Variants in TPD52 observed in about 807,000 individuals in gnomAD.
TPD52 encodes tumor protein D52.
Under a neutral mutation model 31.3 loss-of-function variants are expected in TPD52, and 17 were observed. The observed-to-expected ratio is 0.54, with a 90% CI of 0.37 to 0.82. The LOEUF is 0.82. Ranked by LOEUF, TPD52 falls within the 40% of genes least tolerant of loss-of-function variation. The probability of loss-of-function intolerance (pLI) is 0.00; values close to 1 mark genes in which losing one functional copy is unlikely to be tolerated. For missense variants in TPD52, 212 were observed against 240.1 expected (o/e 0.88, Z 0.77); for synonymous variants, 83 against 89.6 (o/e 0.93, Z 0.42).
intron 1 of TPD52, among the ~76,000 whole-genome samples, chr8:80,082,667 C>T (rs773781067): frequency 6.6e-6 from 1 of 152,208 alleles, no homozygotes; most frequent in Non-Finnish European, 1.5e-5. Context: ...TTAGAAGCCC[C>T]CTAGTCTCTG....
At chr8:80,117,710 C>T (rs1387783649) in intron 1 of TPD52, among the ~76,000 whole-genome samples, 9 of 149,928 alleles carry the variant, frequency 6.0e-5, no homozygotes, top group African/African-American at 2.2e-4. Context: ...ACTTAGAGGA[C>T]TCATGCTTTC....
intron 1 of TPD52, among the ~76,000 whole-genome samples, chr8:80,166,192 A>C (rs1811698281): frequency 6.6e-6 from 1 of 152,160 alleles, no homozygotes; most frequent in South Asian, 2.1e-4. Context: ...ACACGCCTGT[A>C]GTCACAGCTA....
chr8:80,033,987 C>T (rs964462991), downstream of TPD52, among the ~76,000 whole-genome samples: 1 of 152,110 alleles, frequency 6.6e-6, no homozygotes, highest in Non-Finnish European at 1.5e-5. Context: ...GGGACCCACC[C>T]CTTCCCTCCT....
intron 1 of TPD52, among the ~76,000 whole-genome samples, chr8:80,085,639 C>T (rs1815686841): frequency 6.6e-6 from 1 of 151,796 alleles, no homozygotes; most frequent in African/African-American, 2.4e-5. Context: ...GATTATAAAC[C>T]ACTGAAAAAA....
In TPD52 at chr8:80,154,404, G is replaced by A. The variant is rs184300555; in HGVS notation, c.19+17021C>T. ...AATGTGCGCAAAGCCCAAGGTGGAC[G>A]TGACAATACTACAGAGGTCTATGTC... On this transcript the variant is annotated intron_variant, in intron 1 of 7. Coordinates refer to ENST00000518937, the MANE Select transcript of TPD52 (RefSeq NM_001025253.3). Among the ~76,000 whole-genome samples, 171 of 152,308 alleles carry A rather than the reference G, an allele frequency of 1.1e-3. 1 individual carries two copies. Among genetic ancestry groups the A allele is most frequent in the African/African-American group, 3.8e-3 (160 of 41,566 alleles).
At chr8:80,164,546 C>G (rs1811585180) in intron 1 of TPD52, among the ~76,000 whole-genome samples, 1 of 152,052 alleles carries the variant, frequency 6.6e-6, no homozygotes, top group South Asian at 2.1e-4. Context: ...GTGAGGGAGG[C>G]ATTTCTAAAA....
At chr8:80,114,666 A>G (rs1807736133) in intron 1 of TPD52, among the ~76,000 whole-genome samples, 1 of 152,164 alleles carries the variant, frequency 6.6e-6, no homozygotes, top group African/African-American at 2.4e-5. Context: ...CAGACTCAGA[A>G]GTCCAAGAGT....
At position 80,120,135 on chromosome 8, in the gene TPD52, A is replaced by G. The variant is rs1398556685; in HGVS notation, c.19+51290T>C. Among the ~76,000 whole-genome samples, 4 of 152,322 alleles carry G rather than the reference A, an allele frequency of 2.6e-5. No homozygotes were observed. The East Asian group carries it at 5.8e-4, about 22-fold the overall frequency. ...TACATACCTTGTACCATGTATATAT[A>G]TAAGGATTCAGTAGATGGTATCTAA... On this transcript the variant is annotated intron_variant, in intron 1 of 7. Coordinates refer to ENST00000518937, the MANE Select transcript of TPD52 (RefSeq NM_001025253.3).
chr8:80,104,661 AT>A (rs144170850), intron 1 of TPD52, among the ~76,000 whole-genome samples: 95 of 142,616 alleles, frequency 6.7e-4, no homozygotes, highest in Admixed American at 5.6e-4. Flanking sequence ...GAGTCTGCTG[AT>A]TTTTTTTTTT....
chr8:80,039,431 T>C (rs574659607), intron 7 of TPD52, among the ~76,000 whole-genome samples: 35 of 152,224 alleles, frequency 2.3e-4, no homozygotes, highest in Middle Eastern at 3.4e-3. Context: ...TTTTTTTTTT[T>C]CCGTGTCACT....
At chr8:80,163,032 G>A (rs1271095748) in intron 1 of TPD52, among the ~76,000 whole-genome samples, 1 of 152,174 alleles carries the variant, frequency 6.6e-6, no homozygotes, top group African/African-American at 2.4e-5. Flanking sequence ...TGGTGCAAAT[G>A]TAAATTGGTA....
At chr8:80,069,472 C>T (rs1275442047) in intron 1 of TPD52, among the ~76,000 whole-genome samples, 2 of 151,008 alleles carry the variant, frequency 1.3e-5, no homozygotes. Flanking sequence ...CTCAAAACAA[C>T]AACAACAAAA....
intron 1 of TPD52, among the ~76,000 whole-genome samples, chr8:80,072,796 C>T (rs184233342): frequency 0.036 from 5,155 of 142,094 alleles, 484 homozygotes; most frequent in African/African-American, 0.15. Context: ...CACACACACA[C>T]ACATATATAT....
intron 1 of TPD52, among the ~76,000 whole-genome samples, chr8:80,154,706 T>TACACACAC (rs36076685): frequency 1.3e-5 from 1 of 77,682 alleles, no homozygotes; most frequent in South Asian, 3.7e-4. Context: ...AATCATGACA[T>TACACACAC]ACACACACAC....
At chr8:80,031,525 TGTG>T (rs749779387), downstream of TPD52, among the ~76,000 whole-genome samples, 27 of 152,070 alleles carry the variant, frequency 1.8e-4, no homozygotes, top group Non-Finnish European at 3.4e-4. Flanking sequence ...CAGGAGAAAG[TGTG>T]GTAAATTGTA....
At chr8:80,136,889 A>G (rs116543539) in intron 1 of TPD52, among the ~76,000 whole-genome samples, 3,254 of 152,330 alleles carry the variant, frequency 0.021, 122 homozygotes, top group African/African-American at 0.075. Flanking sequence ...TTCTATTCAA[A>G]TATAAATAAT....
intron 1 of TPD52, among the ~76,000 whole-genome samples, chr8:80,076,335 C>T (rs1386194423): frequency 1.3e-5 from 2 of 152,106 alleles, no homozygotes; most frequent in African/African-American, 4.8e-5. Context: ...TAAAAAAGAA[C>T]AAGATCCTAT....
intron 4 of TPD52, chr8:80,051,195 T>C (rs946044286): frequency 3.6e-5 from 13 of 356,436 alleles, no homozygotes; most frequent in Non-Finnish European, 6.2e-5. Context: ...TAGTCATCCT[T>C]AGTAACACAC....
At chr8:80,155,807 C>T (rs542300108) in intron 1 of TPD52, among the ~76,000 whole-genome samples, 3 of 151,094 alleles carry the variant, frequency 2.0e-5, no homozygotes, top group African/African-American at 4.9e-5. Context: ...CGCTTGAACC[C>T]GGGAGGCAGA....
Sources: allele counts gnomAD v4.1 joint callset (sites outside exome capture counted in the v4.1 genomes callset), GRCh38; gene constraint gnomAD v4.1.1; transcripts MANE v1.5; gene names NCBI Gene and HGNC (gene_info 2026-07-23, HGNC 2026-07-21).